Variants in BSDC1 observed in about 807,000 individuals in gnomAD.
BSDC1 encodes the protein BSD domain-containing protein 1.
Under a neutral mutation model 56.0 loss-of-function variants are expected in BSDC1, and 29 were observed. The ratio of observed to expected loss-of-function variants is 0.52; its 90% confidence interval spans 0.39 to 0.71. The LOEUF is 0.71. BSDC1 is among the 30% of genes least tolerant of loss of function. BSDC1 has a pLI of 0.00. For synonymous variants in BSDC1, 210 were observed against 215.3 expected, an observed-to-expected ratio of 0.98 and a Z score of 0.21; for missense variants, 477 against 548.5, an observed-to-expected ratio of 0.87 and a Z score of 1.30.
chr1:32,374,067 C>A (rs1407273762), intron 9 of BSDC1, among the ~76,000 whole-genome samples: 1 of 152,210 alleles, frequency 6.6e-6, no homozygotes, highest in Non-Finnish European at 1.5e-5. Flanking sequence ...AGGACTATTT[C>A]ACACTGAAAT....
intron 10 of BSDC1, 170 bp from the exon 11 acceptor site, chr1:32,366,824 G>A (rs1641872285): frequency 1.5e-6 from 2 of 1,364,682 alleles, no homozygotes; most frequent in Admixed American, 3.5e-5. Context: ...TGTCTGAGGG[G>A]CAGAGCTGCC....
intron 4 of BSDC1, among the ~76,000 whole-genome samples, chr1:32,381,580 TA>T (rs913419280): frequency 6.6e-6 from 1 of 152,264 alleles, no homozygotes; most frequent in African/African-American, 2.4e-5. Context: ...TGAAAAATGT[TA>T]GTGCCAATAT....
In BSDC1 at chr1:32,376,398, A is replaced by T. The variant is rs376399921; in HGVS notation, c.1020T>A (p.Ala340=). Residue 340 remains alanine, a synonymous_variant, in exon 9 of 11, where the codon GCT becomes GCA. Coordinates refer to ENST00000455895, the MANE Select transcript of BSDC1 (RefSeq NM_018045.8). ...PPIHSKPLTP[A]GHTGGPEPRP... ...TGGGCTCTGGGCCGCCGGTGTGGCC[A>T]GCAGGCGTTAGGGGCTTGGAGTGAA... 4 of 1,613,824 alleles carry T rather than the reference A, an allele frequency of 2.5e-6. No homozygotes were observed. Among genetic ancestry groups the T allele is most frequent in the Non-Finnish European group, 3.4e-6 (4 of 1,179,756 alleles).
chr1:32,378,780 C>T lies in BSDC1; in HGVS notation c.472G>A (p.Glu158Lys), dbSNP rs2148124671. ...SQFCLEEKKG[E>K]ISELLVGSPS... ...CTGCCTACAAGGAGCTCTGAGATCT[C>T]CCCCTTCTTCTCCTCCAAGCAGAAC... The change falls in exon 6 of 11, where the codon GAG (glutamate) becomes AAG (lysine). Residue 158 changes from glutamate to lysine, a missense_variant. Glu to Lys is a moderately conservative substitution (Grantham distance 56). Transcript: ENST00000455895. The surrounding 1 kb of genome is among the most constrained non-coding windows in gnomAD (Gnocchi z 5.2). The T allele has an allele frequency of 1.3e-6, 2 of 1,552,254 alleles. No individual in the cohort carries two copies. Among genetic ancestry groups the T allele is most frequent in the Middle Eastern group, 1.7e-4 (1 of 5,938 alleles).
intron 9 of BSDC1, among the ~76,000 whole-genome samples, chr1:32,369,704 T>C (rs75248750): frequency 1.3e-5 from 2 of 152,224 alleles, no homozygotes; most frequent in Non-Finnish European, 2.9e-5. Context: ...ACCTCCTTCA[T>C]GCCATTGCTC....
At chr1:32,367,997 G>T in intron 10 of BSDC1, 1 of 1,124,464 alleles carries the variant, frequency 8.9e-7, no homozygotes, top group Non-Finnish European at 1.1e-6. Flanking sequence ...CAACTCAGAA[G>T]GTCAGGCAGG....
At chr1:32,383,805 T>C in intron 4 of BSDC1, 25 bp downstream of exon 4, 1 of 1,609,208 alleles carries the variant, frequency 6.2e-7, no homozygotes, top group Non-Finnish European at 8.5e-7. Context: ...GTTAGGCATC[T>C]GCAGGGGAGA....
intron 10 of BSDC1, 131 bp from the exon 11 acceptor site, chr1:32,366,785 T>A (rs868839041): frequency 2.1e-6 from 3 of 1,423,092 alleles, no homozygotes; most frequent in Middle Eastern, 5.2e-4. Context: ...GAGGTCCCAC[T>A]GAGAGTGAAC....
At chr1:32,368,617 G>A in intron 9 of BSDC1, 67 bp from the exon 10 acceptor site, 1 of 1,602,064 alleles carries the variant, frequency 6.2e-7, no homozygotes, top group Admixed American at 1.7e-5. Flanking sequence ...AGAGGGTGTA[G>A]CTGGGGAGAT....
chr1:32,383,304 G>A (rs1210453569), intron 4 of BSDC1, among the ~76,000 whole-genome samples: 1 of 151,774 alleles, frequency 6.6e-6, no homozygotes, highest in African/African-American at 2.4e-5. Flanking sequence ...TAAATTAGTT[G>A]GGTGTGGTGG....
At chr1:32,387,183 T>C (rs1456722686) in intron 2 of BSDC1, among the ~76,000 whole-genome samples, 1 of 152,164 alleles carries the variant, frequency 6.6e-6, no homozygotes, top group Non-Finnish European at 1.5e-5. Context: ...AGTTTTCTCC[T>C]GTAAAATGAG....
At chr1:32,372,149 G>C (rs1157460556) in intron 9 of BSDC1, among the ~76,000 whole-genome samples, 1 of 152,204 alleles carries the variant, frequency 6.6e-6, no homozygotes, top group African/African-American at 2.4e-5. Context: ...GTAATGAATG[G>C]TGCTGCCTTT....
chr1:32,373,296 G>T (rs1642162227), intron 9 of BSDC1, among the ~76,000 whole-genome samples: 2 of 152,180 alleles, frequency 1.3e-5, no homozygotes, highest in Non-Finnish European at 2.9e-5. Flanking sequence ...GGCAGCAGAG[G>T]CAGCATAGCA....
chr1:32,389,784 C>CA (rs1642801493), intron 2 of BSDC1, among the ~76,000 whole-genome samples: 7 of 145,986 alleles, frequency 4.8e-5, no homozygotes, highest in African/African-American at 1.8e-4. Context: ...AAAACCGTCT[C>CA]CACACACACA....
At chr1:32,393,618 G>C (rs1270814384) in intron 2 of BSDC1, 2 of 160,964 alleles carry the variant, frequency 1.2e-5, no homozygotes, top group Non-Finnish European at 2.7e-5. Flanking sequence ...ACTAGACTGT[G>C]AGCTTTGTAA....
chr1:32,366,929 C>T, intron 10 of BSDC1: 1 of 1,193,128 alleles, frequency 8.4e-7, no homozygotes, highest in East Asian at 3.7e-5. Context: ...GTGATGGCTG[C>T]CTACAGGAAC....
intron 9 of BSDC1, chr1:32,374,667 C>G (rs1570115725): frequency 1.3e-5 from 2 of 152,314 alleles, no homozygotes; most frequent in Admixed American, 1.3e-4. Flanking sequence ...TAGACTACCA[C>G]TCCCCTGCAC....
rs900151871 is a variant in BSDC1 at position 32,365,647 on chromosome 1, G to T, written c.*975C>A. 1 of 152,646 alleles carries T rather than the reference G, an allele frequency of 6.6e-6. No individual in the cohort carries two copies. The highest frequency in any genetic ancestry group is 1.9e-4 in the East Asian group (1 of 5,200). The allele number at this position is 152,646 out of a possible 1,614,324, so 9.5% of individuals were successfully genotyped here. On this transcript the variant is annotated 3_prime_UTR_variant, in exon 11 of 11. Transcript: ENST00000455895. ...AGAAGAGCTTTTGCAGAAGCCTGAT[G>T]AGAGTTTCAAGTTCACCCCCAGGAT...
chr1:32,381,090 C>A, intron 5 of BSDC1, 124 bp downstream of exon 5: 1 of 853,654 alleles, frequency 1.2e-6, no homozygotes, highest in South Asian at 1.5e-5. Context: ...ACACACTAGT[C>A]TCACTCTGGT....
Sources: gnomAD v4.1 joint callset for allele counts (sites outside exome capture counted in the v4.1 genomes callset) on GRCh38, gnomAD v4.1.1 for gene constraint, Gnocchi (gnomAD v3.1) non-coding constraint, MANE v1.5 for transcripts, NCBI Gene and HGNC (gene_info 2026-07-23, HGNC 2026-07-21) for gene names.